HCN4: variants seen among roughly 807,000 people sequenced by gnomAD.
The protein encoded by HCN4 is potassium/sodium hyperpolarization-activated cyclic nucleotide-gated channel 4.
Under a neutral mutation model 76.9 loss-of-function variants are expected in HCN4, and 29 were observed. The ratio of observed to expected loss-of-function variants is 0.38; its 90% confidence interval spans 0.28 to 0.51. HCN4 has a LOEUF of 0.51. Ranked by LOEUF, HCN4 falls within the 20% of genes least tolerant of loss-of-function variation. The probability of loss-of-function intolerance (pLI) is 0.90; values close to 1 mark genes in which losing one functional copy is unlikely to be tolerated. For synonymous variants in HCN4, 772 were observed against 762.5 expected, an observed-to-expected ratio of 1.01 and a Z score of -0.21; for missense variants, 1,416 against 1,715.2, an observed-to-expected ratio of 0.83 and a Z score of 3.08.
chr15:73,335,746 G>A (rs1257912953), intron 2 of HCN4: 3 of 152,284 alleles, frequency 2.0e-5, no homozygotes, highest in African/African-American at 4.8e-5. Flanking sequence ...AGGTGTCTGT[G>A]CCAGGAATGC....
intron 2 of HCN4, among the ~76,000 whole-genome samples, chr15:73,336,490 T>C (rs2042966147): frequency 6.6e-6 from 1 of 152,160 alleles, no homozygotes; most frequent in African/African-American, 2.4e-5. Flanking sequence ...ACAGGTGGAC[T>C]CAGAGTAACA....
At chr15:73,365,240 G>A (rs1434505661) in intron 1 of HCN4, among the ~76,000 whole-genome samples, 1 of 152,148 alleles carries the variant, frequency 6.6e-6, no homozygotes, top group Non-Finnish European at 1.5e-5. Context: ...TTTTGGCCTA[G>A]AAGCAGGAAA....
Position 73,332,523 on chromosome 15 carries a change from C to G in HCN4, c.1210-231G>C, listed in dbSNP as rs1011109753. 2.6e-5 allele frequency among the ~76,000 whole-genome samples: 4 copies of G among 152,292 alleles called. No homozygotes were observed. In the East Asian group the frequency reaches 7.7e-4, roughly 29 times the overall value. ...AGAGGGACATCTCCTGGCATCTATA[C>G]AGATGGGGGGTCTTCCTGAAAGGTC... On this transcript the variant is annotated intron_variant, in intron 2 of 7. Transcript: ENST00000261917.
rs2043134570 is a variant in HCN4 at position 73,367,636 on chromosome 15, C to G, written c.635G>C (p.Gly212Ala). 2 of 1,611,722 alleles carry G rather than the reference C, an allele frequency of 1.2e-6. No homozygotes were observed. Among genetic ancestry groups the G allele is most frequent in the Admixed American group, 1.7e-5 (1 of 60,010 alleles). The change falls in exon 1 of 8, where the codon GGC (glycine) becomes GCC (alanine). Residue 212 changes from glycine to alanine, a missense_variant. Physicochemically the swap from Gly to Ala is moderately conservative, Grantham distance 60. This residue lies in a region of HCN4 where 355 missense variants were observed against 347.8 expected (regional missense o/e 1.02). Coordinates refer to ENST00000261917, the MANE Select transcript of HCN4 (RefSeq NM_005477.3). This position sits in a 1 kb window ranked among gnomAD's most constrained non-coding sequence, Gnocchi z 7.5. Reference protein sequence around the residue: ...PEAEVRLGQAGFMQRQFGAML... With the variant: ...PEAEVRLGQAAFMQRQFGAML... ...GGCCCCGAACTGGCGCTGCATGAAG[C>G]CGGCCTGGCCCAGGCGCACCTCGGC...
At position 73,325,099 on chromosome 15, in the gene HCN4, G is replaced by A. The variant is rs748496969; in HGVS notation, c.1834C>T (p.Arg612Cys). ...TCCCCAGGCTGGAAGACCTCGAAAC[G>A]CAGCTTGGTCAGCATGGACGTCACG... ...NFVTSMLTKL[R>C]FEVFQPGDYI... The change falls in exon 6 of 8, where the codon CGT (arginine) becomes TGT (cysteine). Residue 612 changes from arginine (R) to cysteine (C), a missense_variant. Arg to Cys is a radical substitution (Grantham distance 180). This residue lies in a region of HCN4 where 241 missense variants were observed against 379.4 expected (regional missense o/e 0.64). Transcript: ENST00000261917. The surrounding 1 kb of genome is among the most constrained non-coding windows in gnomAD (Gnocchi z 7.4). The A allele has an allele frequency of 5.6e-6, 9 of 1,614,080 alleles. No individual in the cohort carries two copies. The African/African-American group carries it at 6.7e-5, about 12-fold the overall frequency.
intron 1 of HCN4, among the ~76,000 whole-genome samples, chr15:73,344,609 A>C (rs1182106148): frequency 6.6e-6 from 1 of 152,232 alleles, no homozygotes; most frequent in Non-Finnish European, 1.5e-5. Flanking sequence ...GATACCACTC[A>C]ATGTGATAGA....
At chr15:73,329,477 G>T in intron 4 of HCN4, 96 bp downstream of exon 4, 1 of 1,117,078 alleles carries the variant, frequency 9.0e-7, no homozygotes, top group South Asian at 1.3e-5. Flanking sequence ...TGTGGGGTGG[G>T]AGCAGGGGGC....
At chr15:73,331,983 C>T in intron 3 of HCN4, 148 bp downstream of exon 3, 1 of 757,242 alleles carries the variant, frequency 1.3e-6, no homozygotes. Context: ...TGGGCCTGTA[C>T]TGGGTAGAGC....
intron 1 of HCN4, among the ~76,000 whole-genome samples, chr15:73,363,889 A>G (rs2043117173): frequency 6.6e-6 from 1 of 152,188 alleles, no homozygotes; most frequent in South Asian, 2.1e-4. Flanking sequence ...TGGGGCTCAA[A>G]TAAGGCTCAT....
chr15:73,334,610 G>T (rs2042951495), intron 2 of HCN4, among the ~76,000 whole-genome samples: 1 of 151,916 alleles, frequency 6.6e-6, no homozygotes, highest in South Asian at 2.1e-4. Context: ...CCAGGGGTTT[G>T]GGGAGGGCGA....
intron 1 of HCN4, among the ~76,000 whole-genome samples, chr15:73,355,770 C>A (rs2043076007): frequency 6.6e-6 from 1 of 152,168 alleles, no homozygotes; most frequent in Non-Finnish European, 1.5e-5. Context: ...CACACACACA[C>A]ACACACACAC....
chr15:73,368,603 T>G lies in HCN4; in HGVS notation c.-333A>C. 3.5e-5 allele frequency: 6 copies of G among 172,382 alleles called. No homozygotes were observed. Among genetic ancestry groups the G allele is most frequent in the Non-Finnish European group, 3.7e-5 (3 of 81,852 alleles). 10.7% of individuals were successfully genotyped at this position (172,382 alleles called of 1,614,324 possible). ...GGCGCCCCGCCCCCGCGGGGAACAA[T>G]GGGCGCCGGCCGGAGAGGCTCTGCG... On this transcript the variant is annotated 5_prime_UTR_variant, in exon 1 of 8. Coordinates refer to ENST00000261917, the MANE Select transcript of HCN4 (RefSeq NM_005477.3). The surrounding 1 kb of genome is among the most constrained non-coding windows in gnomAD (Gnocchi z 6.9).
chr15:73,367,784 C>T lies in HCN4; in HGVS notation c.487G>A (p.Ala163Thr). The T allele has an allele frequency of 6.9e-7, 1 of 1,445,786 alleles. No individual in the cohort carries two copies. The allele number at this position is 1,445,786 out of a possible 1,614,324, so 89.6% of individuals were successfully genotyped here. A position where few individuals can be genotyped will look rare whatever the true frequency, so the allele number is the denominator to read the frequency against. ...ERPGASAQPA[A>T]SPPPPQQPPQ... ...GGCTGCTGGGGCGGCGGCGGCGAGGCTGCGGGCTGCGCCGAGGCGCCGGGG... is the reference window on the plus strand; with the variant it reads ...GGCTGCTGGGGCGGCGGCGGCGAGGTTGCGGGCTGCGCCGAGGCGCCGGGG... Residue 163 changes from alanine (A) to threonine (T), a missense_variant, in exon 1 of 8, where the codon GCC (alanine) becomes ACC (threonine). Coordinates refer to ENST00000261917, the MANE Select transcript of HCN4 (RefSeq NM_005477.3). The surrounding 1 kb of genome is among the most constrained non-coding windows in gnomAD (Gnocchi z 7.5).
At chr15:73,332,914 ATC>A (rs2042941242) in intron 2 of HCN4, among the ~76,000 whole-genome samples, 1 of 152,168 alleles carries the variant, frequency 6.6e-6, no homozygotes. Context: ...AAAAATTCTT[ATC>A]TGAGTGGGCT....
intron 1 of HCN4, among the ~76,000 whole-genome samples, chr15:73,349,432 T>C (rs1385294159): frequency 1.3e-5 from 2 of 151,962 alleles, no homozygotes; most frequent in Admixed American, 6.6e-5. Flanking sequence ...AGTTGAGAGA[T>C]TTGCCATATA....
At position 73,367,975 on chromosome 15, in the gene HCN4, C is replaced by T; in HGVS notation, c.296G>A (p.Ser99Asn). 7.4e-7 allele frequency: 1 copy of T among 1,349,612 alleles called. No individual in the cohort carries two copies. The highest frequency in any genetic ancestry group is 9.5e-7 in the Non-Finnish European group (1 of 1,057,368). 83.6% of individuals were successfully genotyped at this position (1,349,612 alleles called of 1,614,324 possible). A position where few individuals can be genotyped will look rare whatever the true frequency, so the allele number is the denominator to read the frequency against. ...TNGDCRRFRG[S>N]LASLGSRGGG... ...GCCCCGGCTGCCCAGCGAGGCCAGG[C>T]TCCCGCGGAAGCGCCTGCAGTCGCC... is the stretch of plus-strand genomic sequence containing the variant. Residue 99 changes from serine to asparagine, a missense_variant, in exon 1 of 8, where the codon AGC becomes AAC. Physicochemically the swap from Ser to Asn is conservative, Grantham distance 46 (BLOSUM62 1). This residue lies in a region of HCN4 where 355 missense variants were observed against 347.8 expected (regional missense o/e 1.02). Transcript: ENST00000261917. This position sits in a 1 kb window ranked among gnomAD's most constrained non-coding sequence, Gnocchi z 7.5.
At chr15:73,365,116 G>C (rs918304693) in intron 1 of HCN4, among the ~76,000 whole-genome samples, 3 of 152,182 alleles carry the variant, frequency 2.0e-5, no homozygotes, top group African/African-American at 7.2e-5. Flanking sequence ...GACCAAGGCT[G>C]GGGGTGCTGG....
chr15:73,367,750 G>C lies in HCN4; in HGVS notation c.521C>G (p.Pro174Arg). ...SPPPPQQPPQ[P>R]ASASCEQPSV... ...GGGCTGCTCGCAGGAGGCGGAGGCC[G>C]GCTGCGGTGGCTGCTGGGGCGGCGG... Residue 174 changes from proline to arginine, a missense_variant, in exon 1 of 8, where the codon CCG (proline) becomes CGG (arginine). Pro to Arg is a moderately radical substitution (Grantham distance 103). Coordinates refer to ENST00000261917, the MANE Select transcript of HCN4 (RefSeq NM_005477.3). The surrounding 1 kb of genome is among the most constrained non-coding windows in gnomAD (Gnocchi z 7.5). 6.4e-7 allele frequency: 1 copy of C among 1,558,552 alleles called. No homozygotes were observed. Among genetic ancestry groups the C allele is most frequent in the Non-Finnish European group, 8.6e-7 (1 of 1,160,126 alleles).
At chr15:73,344,059 A>C (rs539413108) in intron 1 of HCN4, among the ~76,000 whole-genome samples, 31 of 152,314 alleles carry the variant, frequency 2.0e-4, no homozygotes, top group Non-Finnish European at 4.1e-4. Flanking sequence ...CCCAACAACA[A>C]GCTTCCTCCT....
Sources: gnomAD v4.1 joint callset for allele counts (sites outside exome capture counted in the v4.1 genomes callset) on GRCh38, gnomAD v4.1.1 for gene constraint, gnomAD v4.1.1 regional missense constraint, Gnocchi (gnomAD v3.1) non-coding constraint, MANE v1.5 for transcripts, NCBI Gene and HGNC (gene_info 2026-07-23, HGNC 2026-07-21) for gene names.